The following PDHA1 variants were observed in gnomAD, a reference collection of about 807,000 sequenced individuals.
The protein encoded by PDHA1 is pyruvate dehydrogenase E1 subunit alpha 1.
PDHA1 carries 1 observed loss-of-function variant against 33.0 expected under a neutral mutation model. The observed-to-expected ratio is 0.03, with a 90% CI of 0.01 to 0.14. The LOEUF (loss-of-function observed/expected upper bound fraction) is 0.14. Ranked by LOEUF, PDHA1 falls within the 10% of genes least tolerant of loss-of-function variation. PDHA1 has a pLI of 1.00. For missense variants in PDHA1, 168 were observed against 325.1 expected (o/e 0.52, Z 3.72); for synonymous variants, 123 against 119.2 (o/e 1.03, Z -0.21).
chrX:19,361,455 G>A lies in PDHA1; in HGVS notation c.*1802G>A, dbSNP rs1396779538. On this transcript the variant is annotated 3_prime_UTR_variant, in exon 11 of 11. Coordinates refer to ENST00000422285, the MANE Select transcript of PDHA1 (RefSeq NM_000284.4). ...AGATCCTTAAGAGCTGAGCAGCTGT[G>A]TAACAACAGCATAAGAATTTCTTTG... 4.2e-6 allele frequency: 5 copies of A among 1,186,026 alleles called. No homozygotes were observed. Among genetic ancestry groups the A allele is most frequent in the Non-Finnish European group, 5.7e-6 (5 of 872,571 alleles).
At chrX:19,356,327 A>ACT (rs1378207515) in intron 8 of PDHA1, among the ~76,000 whole-genome samples, 1 of 111,155 alleles carries the variant, frequency 9.0e-6, no homozygotes, top group African/African-American at 3.3e-5. Context: ...GTTCTCCCTA[A>ACT]ATCAGTGTTC....
Position 19,361,545 on chromosome X carries a change from T to C in PDHA1, c.*1892T>C. 1 of 1,211,719 alleles carries C rather than the reference T, an allele frequency of 8.3e-7. No homozygotes were observed. Among genetic ancestry groups the C allele is most frequent in the Non-Finnish European group, 1.1e-6 (1 of 895,248 alleles). ...TTGCAGCCGCAACCAGTCTATAAGC[T>C]CTTTATCTGTTCTCTGCCCGTAGGG... On this transcript the variant is annotated 3_prime_UTR_variant, in exon 11 of 11. Coordinates refer to ENST00000422285, the MANE Select transcript of PDHA1 (RefSeq NM_000284.4).
chrX:19,359,757 TGGAAACTTCCATTAAGTGTGTA>T lies in PDHA1; in HGVS notation c.*106_*127del, dbSNP rs2063252507. The T allele has an allele frequency of 1.3e-6, 1 of 778,570 alleles. No individual in the cohort carries two copies. The highest frequency in any genetic ancestry group is 2.0e-5 in the African/African-American group (1 of 49,313). 64.2% of individuals were successfully genotyped at this position (778,570 alleles called of 1,213,427 possible). On this transcript the variant is annotated 3_prime_UTR_variant, in exon 11 of 11. Coordinates refer to ENST00000422285, the MANE Select transcript of PDHA1 (RefSeq NM_000284.4). ...AGTCAATGAAATTCAATGAAATTCT[TGGAAACTTCCATTAAGTGTGTA>T]GATTGAGCAGGTAGTAATTGCATGC... is the stretch of plus-strand genomic sequence containing the variant.
intron 9 of PDHA1, among the ~76,000 whole-genome samples, chrX:19,358,314 A>G (rs1159898449): frequency 8.9e-6 from 1 of 112,340 alleles, no homozygotes; most frequent in Non-Finnish European, 1.9e-5. Flanking sequence ...AGAGCACAGT[A>G]TATGGAAAAA....
At position 19,351,376 on chromosome X, in the gene PDHA1, T is replaced by C; in HGVS notation, c.387T>C (p.Leu129=). The C allele has an allele frequency of 1.7e-6, 2 of 1,210,705 alleles. No homozygotes were observed. Among genetic ancestry groups the C allele is most frequent in the East Asian group, 3.0e-5 (1 of 33,857 alleles). The change falls in exon 4 of 11, where the codon CTT becomes CTC. Residue 129 remains leucine (L), a synonymous_variant. Coordinates refer to ENST00000422285, the MANE Select transcript of PDHA1 (RefSeq NM_000284.4). ...ACGGCTTTACTTTCACCCGGGGCCT[T>C]TCCGTCCGAGAAATTCTCGCAGAGC... ...RAHGFTFTRG[L]SVREILAELT...
chrX:19,352,786 C>T (rs1196475717), intron 4 of PDHA1: 1 of 374,537 alleles, frequency 2.7e-6, no homozygotes, highest in Non-Finnish European at 4.7e-6. Flanking sequence ...TAGGAGAGGT[C>T]CTAAGATGTT....
At chrX:19,345,851 A>G (rs1203730221) in intron 1 of PDHA1, 1 of 219,022 alleles carries the variant, frequency 4.6e-6, no homozygotes, top group African/African-American at 3.0e-5. Flanking sequence ...TAAACTCTTC[A>G]GATAATTAGA....
In PDHA1 at chrX:19,360,665, G is replaced by A; in HGVS notation, c.*1012G>A. On this transcript the variant is annotated 3_prime_UTR_variant, in exon 11 of 11. Coordinates refer to ENST00000422285, the MANE Select transcript of PDHA1 (RefSeq NM_000284.4). ...TGGCATTTTTAAATATGTAAACACAGCGGAATTCGTGTATACACTAACAGA... is the reference window on the plus strand; with the variant it reads ...TGGCATTTTTAAATATGTAAACACAACGGAATTCGTGTATACACTAACAGA... The A allele has an allele frequency of 2.8e-6, 2 of 704,388 alleles. No homozygotes were observed. Among genetic ancestry groups the A allele is most frequent in the South Asian group, 4.7e-5 (2 of 42,413 alleles). 58.0% of individuals were successfully genotyped at this position (704,388 alleles called of 1,213,427 possible). A position where few individuals can be genotyped will look rare whatever the true frequency, so the allele number is the denominator to read the frequency against.
chrX:19,347,285 A>G (rs1234418625), intron 1 of PDHA1, among the ~76,000 whole-genome samples: 1 of 112,616 alleles, frequency 8.9e-6, no homozygotes, highest in Non-Finnish European at 1.9e-5. Flanking sequence ...ATGGCTCTCC[A>G]GAGAAAATGA....
At chrX:19,357,599 G>T (rs938401365) in intron 8 of PDHA1, 53 bp from the exon 9 acceptor site, 2 of 1,032,193 alleles carry the variant, frequency 1.9e-6, no homozygotes, top group Non-Finnish European at 2.7e-6. Context: ...TTGCCGGCCT[G>T]TTCTTCCAGT....
In PDHA1 at chrX:19,358,802, CT is replaced by C; in HGVS notation, c.900-112del. On this transcript the variant is annotated intron_variant, in intron 9 of 10. Coordinates refer to ENST00000422285, the MANE Select transcript of PDHA1 (RefSeq NM_000284.4). Reference sequence around the variant, plus strand: ...TATGCCCCTTTGTTTCAGAAACACACTTCTGTATTTCACCTCATTGGGACAA... The same window carrying C: ...TATGCCCCTTTGTTTCAGAAACACACTCTGTATTTCACCTCATTGGGACAA... 4 of 534,907 alleles carry C rather than the reference CT, an allele frequency of 7.5e-6. No individual in the cohort carries two copies. The South Asian group carries it at 9.8e-5, about 13-fold the overall frequency. The allele number at this position is 534,907 out of a possible 1,213,427, so 44.1% of individuals were successfully genotyped here. A position where few individuals can be genotyped will look rare whatever the true frequency, so the allele number is the denominator to read the frequency against.
Position 19,360,780 on chromosome X carries a change from T to A in PDHA1, c.*1127T>A. The A allele has an allele frequency of 1.7e-6, 2 of 1,209,780 alleles. No individual in the cohort carries two copies. The highest frequency in any genetic ancestry group is 2.2e-6 in the Non-Finnish European group (2 of 894,532). ...CTTGTCTTTGGTTTCTGAGGCCTCC[T>A]GAGCCCTTCTGTACTGGGAGACCGC... On this transcript the variant is annotated 3_prime_UTR_variant, in exon 11 of 11. Coordinates refer to ENST00000422285, the MANE Select transcript of PDHA1 (RefSeq NM_000284.4).
intron 8 of PDHA1, 47 bp from the exon 9 acceptor site, chrX:19,357,604 TC>T (rs1206229102): frequency 1.9e-6 from 2 of 1,056,651 alleles, no homozygotes; most frequent in African/African-American, 3.7e-5. Flanking sequence ...GGCCTGTTCT[TC>T]CAGTCATCGT....
chrX:19,360,758 G>GTC lies in PDHA1; in HGVS notation c.*1107_*1108dup. 3.3e-6 allele frequency: 4 copies of GTC among 1,207,020 alleles called. No homozygotes were observed. In the South Asian group the frequency reaches 7.1e-5, roughly 21 times the overall value. On this transcript the variant is annotated 3_prime_UTR_variant, in exon 11 of 11. Coordinates refer to ENST00000422285, the MANE Select transcript of PDHA1 (RefSeq NM_000284.4). The stretch of plus-strand genomic sequence containing the variant: ...GCTTAGCTGATTGGTATCAAGCCTT[G>GTC]TCTTTGGTTTCTGAGGCCTCCTGAG...
chrX:19,348,362 T>C (rs2063145940), intron 1 of PDHA1, among the ~76,000 whole-genome samples: 1 of 112,254 alleles, frequency 8.9e-6, no homozygotes, highest in Admixed American at 9.5e-5. Flanking sequence ...ACATTTCTAC[T>C]GGGGCTTCAG....
At position 19,361,536 on chromosome X, in the gene PDHA1, TCTATAAG is replaced by T; in HGVS notation, c.*1886_*1892del. The stretch of plus-strand genomic sequence containing the variant: ...ATCAGCTCCTTGCAGCCGCAACCAG[TCTATAAG>T]CTCTTTATCTGTTCTCTGCCCGTAG... On this transcript the variant is annotated 3_prime_UTR_variant, in exon 11 of 11. Transcript: ENST00000422285. 8.3e-7 allele frequency: 1 copy of T among 1,211,656 alleles called. No individual in the cohort carries two copies. Among genetic ancestry groups the T allele is most frequent in the Non-Finnish European group, 1.1e-6 (1 of 895,191 alleles).
intron 6 of PDHA1, 89 bp from the exon 7 acceptor site, chrX:19,355,259 CT>C: frequency 8.4e-6 from 9 of 1,066,248 alleles, no homozygotes; most frequent in Non-Finnish European, 1.2e-5. Flanking sequence ...TTTATGAAAG[CT>C]TTCTGTGCCA....
Position 19,360,168 on chromosome X carries a change from T to TCTCTACTTACACATTC in PDHA1, c.*516_*531dup. Reference sequence around the variant, plus strand: ...TTTCAAAGGCCACATAACTTAGTTTTCTCTACTTACACATTCAGTATAAAT... The same window carrying TCTCTACTTACACATTC: ...TTTCAAAGGCCACATAACTTAGTTTTCTCTACTTACACATTCCTCTACTTACACATTCAGTATAAAT... On this transcript the variant is annotated 3_prime_UTR_variant, in exon 11 of 11. Coordinates refer to ENST00000422285, the MANE Select transcript of PDHA1 (RefSeq NM_000284.4). 1 of 152,303 alleles carries TCTCTACTTACACATTC rather than the reference T, an allele frequency of 6.6e-6. No homozygotes were observed. The allele number at this position is 152,303 out of a possible 1,213,427, so 12.6% of individuals were successfully genotyped here.
At chrX:19,346,599 C>T in intron 1 of PDHA1, 1 of 963,383 alleles carries the variant, frequency 1.0e-6, no homozygotes, top group Non-Finnish European at 1.3e-6. Context: ...GCTGGGATTA[C>T]TCTCACTCTC....
Sources: gnomAD v4.1 joint callset for allele counts (sites outside exome capture counted in the v4.1 genomes callset) on GRCh38, gnomAD v4.1.1 for gene constraint, MANE v1.5 for transcripts, NCBI Gene and HGNC (gene_info 2026-07-23, HGNC 2026-07-21) for gene names.